Variants in RBFOX1 observed in about 807,000 individuals in gnomAD.
The protein encoded by RBFOX1 is RNA binding fox-1 homolog 1.
RBFOX1 carries 8 observed loss-of-function variants against 57.7 expected under a neutral mutation model. The observed-to-expected ratio is 0.14, with a 90% CI of 0.08 to 0.25. The LOEUF is 0.25. Ranked by LOEUF, RBFOX1 falls within the 10% of genes least tolerant of loss-of-function variation. The probability of loss-of-function intolerance (pLI) is 1.00; values close to 1 mark genes in which losing one functional copy is unlikely to be tolerated. For missense variants in RBFOX1, 611 were observed against 548.5 expected, an observed-to-expected ratio of 1.11 and a Z score of -1.14; for synonymous variants, 326 against 222.4, an observed-to-expected ratio of 1.47 and a Z score of -4.15.
intron 4 of RBFOX1, among the ~76,000 whole-genome samples, chr16:5,877,511 C>T (rs904662014): frequency 1.3e-5 from 2 of 152,238 alleles, no homozygotes; most frequent in South Asian, 2.1e-4. Flanking sequence ...TACCCACATA[C>T]ACTTGATGCA....
At chr16:5,988,269 CTGTAAT>C (rs2060320648) in intron 4 of RBFOX1, among the ~76,000 whole-genome samples, 1 of 152,058 alleles carries the variant, frequency 6.6e-6, no homozygotes, top group African/African-American at 2.4e-5. Flanking sequence ...ATGCAAATGT[CTGTAAT>C]TGAACATAAT....
At chr16:5,971,369 G>C (rs908009946) in intron 4 of RBFOX1, among the ~76,000 whole-genome samples, 3 of 152,212 alleles carry the variant, frequency 2.0e-5, no homozygotes, top group Non-Finnish European at 4.4e-5. Context: ...GAAGGTGTGA[G>C]GGTGGTAAAT....
At chr16:6,520,071 C>T (rs558224568) in intron 2 of RBFOX1, among the ~76,000 whole-genome samples, 15 of 152,274 alleles carry the variant, frequency 9.9e-5, no homozygotes, top group Non-Finnish European at 1.0e-4. Flanking sequence ...TTTCTTATTT[C>T]GTGACCAGAG....
intron 5 of RBFOX1, among the ~76,000 whole-genome samples, chr16:7,565,821 C>A (rs984492302): frequency 6.6e-6 from 1 of 151,998 alleles, no homozygotes; most frequent in East Asian, 1.9e-4. Flanking sequence ...GGGGAGGAAG[C>A]CTGTAGGAAA....
At chr16:7,104,455 A>G (rs1214116388) in intron 4 of RBFOX1, among the ~76,000 whole-genome samples, 3 of 152,088 alleles carry the variant, frequency 2.0e-5, no homozygotes, top group Non-Finnish European at 4.4e-5. Context: ...AATTGATTCT[A>G]ATTCATGGAC....
intron 3 of RBFOX1, among the ~76,000 whole-genome samples, chr16:6,849,182 T>A (rs1417268244): frequency 2.0e-5 from 3 of 152,206 alleles, no homozygotes; most frequent in African/African-American, 7.2e-5. Flanking sequence ...CACTCTTGAA[T>A]GTAGAGGAAA....
At chr16:7,047,506 T>C (rs150387584) in intron 3 of RBFOX1, among the ~76,000 whole-genome samples, 11 of 152,278 alleles carry the variant, frequency 7.2e-5, no homozygotes, top group African/African-American at 2.6e-4. Context: ...GCTTTACCAA[T>C]ATGACTGTGA....
chr16:7,382,556 C>G (rs1047539092), intron 4 of RBFOX1, among the ~76,000 whole-genome samples: 3 of 152,166 alleles, frequency 2.0e-5, no homozygotes, highest in South Asian at 2.1e-4. Flanking sequence ...CGAATTGATT[C>G]CATTTTCTTG....
intron 1 of RBFOX1, among the ~76,000 whole-genome samples, chr16:6,269,091 C>G (rs1311597385): frequency 6.6e-6 from 1 of 152,060 alleles, no homozygotes; most frequent in Non-Finnish European, 1.5e-5. Flanking sequence ...AATATAAATG[C>G]TACGTAAGCT....
intron 3 of RBFOX1, among the ~76,000 whole-genome samples, chr16:7,013,881 C>T (rs548848566): frequency 6.6e-6 from 1 of 152,128 alleles, no homozygotes; most frequent in Non-Finnish European, 1.5e-5. Context: ...CATTCTTGAG[C>T]TCTTGATCTC....
intron 4 of RBFOX1, among the ~76,000 whole-genome samples, chr16:5,923,544 T>C (rs975481671): frequency 4.0e-5 from 5 of 126,528 alleles, no homozygotes; most frequent in Non-Finnish European, 8.6e-5. Context: ...TTTTTTTTTT[T>C]TTTTTTCTTT....
At chr16:5,763,211 T>A (rs1008259236) in intron 3 of RBFOX1, among the ~76,000 whole-genome samples, 4 of 151,822 alleles carry the variant, frequency 2.6e-5, no homozygotes, top group Non-Finnish European at 5.9e-5. Context: ...TGTTGGCACT[T>A]TAAGCTTTTT....
chr16:6,687,479 A>G (rs1175910325), intron 3 of RBFOX1, among the ~76,000 whole-genome samples: 2 of 152,222 alleles, frequency 1.3e-5, no homozygotes, highest in African/African-American at 2.4e-5. Flanking sequence ...AATTAAACTT[A>G]AAAGTGGTGA....
chr16:6,617,269 G>T (rs576183832), intron 2 of RBFOX1, among the ~76,000 whole-genome samples: 13 of 151,916 alleles, frequency 8.6e-5, no homozygotes, highest in East Asian at 2.0e-4. Flanking sequence ...ATTGTCTAGA[G>T]TGTGAAGGAA....
chr16:5,267,427 A>T (rs1204778131), intron 1 of RBFOX1, among the ~76,000 whole-genome samples: 1 of 151,918 alleles, frequency 6.6e-6, no homozygotes, highest in East Asian at 1.9e-4. Flanking sequence ...CCCCCTGAGC[A>T]GCTGGGACTA....
At chr16:7,538,492 A>G (rs1267209195) in intron 5 of RBFOX1, among the ~76,000 whole-genome samples, 1 of 152,142 alleles carries the variant, frequency 6.6e-6, no homozygotes, top group African/African-American at 2.4e-5. Flanking sequence ...ATTCGAAATT[A>G]TTTGTTGAGT....
chr16:5,989,880 A>ACACACACACACACACAC (rs33912010), intron 4 of RBFOX1, among the ~76,000 whole-genome samples: 1 of 127,204 alleles, frequency 7.9e-6, no homozygotes, highest in African/African-American at 2.9e-5. Flanking sequence ...ACACACACAC[A>ACACACACACACACACAC]CCACCCCTGT....
chr16:7,187,967 G>A (rs2084343798), intron 4 of RBFOX1, among the ~76,000 whole-genome samples: 1 of 152,188 alleles, frequency 6.6e-6, no homozygotes, highest in Non-Finnish European at 1.5e-5. Flanking sequence ...CTCACAGAGA[G>A]AACAAATCTC....
chr16:6,228,925 C>CA (rs1380815024), intron 1 of RBFOX1, among the ~76,000 whole-genome samples: 1 of 151,936 alleles, frequency 6.6e-6, no homozygotes, highest in Non-Finnish European at 1.5e-5. Context: ...TTTTATTTGT[C>CA]AATTAAAAAT....
Sources: allele counts gnomAD v4.1 joint callset (sites outside exome capture counted in the v4.1 genomes callset), GRCh38; gene constraint gnomAD v4.1.1; transcripts MANE v1.5; gene names NCBI Gene and HGNC (gene_info 2026-07-23, HGNC 2026-07-21).